The following RELN variants were observed in gnomAD, a reference collection of about 807,000 sequenced individuals.
RELN encodes reelin.
RELN carries 108 observed loss-of-function variants against 427.6 expected under a neutral mutation model. That is an observed-to-expected ratio of 0.25 (90% CI 0.22 to 0.30). The LOEUF (loss-of-function observed/expected upper bound fraction) is 0.30. RELN is among the 10% of genes least tolerant of loss of function. RELN has a pLI of 1.00. For synonymous variants in RELN, 1,524 were observed against 1,513.4 expected (o/e 1.01, Z -0.16); for missense variants, 3,715 against 4,302.8 (o/e 0.86, Z 3.82).
intron 8 of RELN, among the ~76,000 whole-genome samples, chr7:103,713,751 A>G (rs1255307700): frequency 6.6e-6 from 1 of 152,214 alleles, no homozygotes; most frequent in African/African-American, 2.4e-5. Flanking sequence ...CCCAAAATTA[A>G]GAAACACAGT....
At chr7:103,945,721 G>C (rs560921821) in intron 1 of RELN, among the ~76,000 whole-genome samples, 3 of 152,268 alleles carry the variant, frequency 2.0e-5, no homozygotes, top group South Asian at 4.2e-4. Flanking sequence ...AAGACATTTT[G>C]GCCAGTGATG....
At chr7:103,650,492 AGT>A in intron 15 of RELN, 109 bp from the exon 16 acceptor site, 1 of 761,180 alleles carries the variant, frequency 1.3e-6, no homozygotes. Context: ...AAAGCACTAA[AGT>A]TTACCAATAA....
chr7:103,596,754 C>T lies in RELN; in HGVS notation c.3334-93G>A. The T allele has an allele frequency of 2.8e-6, 3 of 1,090,166 alleles. No homozygotes were observed. In the Admixed American group the frequency reaches 5.5e-5, roughly 20 times the overall value. The allele number at this position is 1,090,166 out of a possible 1,614,324, so 67.5% of individuals were successfully genotyped here. ...CCAAATTCACATGGACATCTTAGCA[C>T]TATGTGGAAATGGTCTCGTCCCCAT... On this transcript the variant is annotated intron_variant, in intron 24 of 64. Coordinates refer to ENST00000428762, the MANE Select transcript of RELN (RefSeq NM_005045.4).
intron 34 of RELN, among the ~76,000 whole-genome samples, chr7:103,565,039 G>A (rs921903441): frequency 2.6e-5 from 4 of 152,138 alleles, no homozygotes; most frequent in Non-Finnish European, 5.9e-5. Context: ...AATGGAATCT[G>A]GTGGGCAGCC....
At chr7:103,867,077 A>T (rs10267445) in intron 2 of RELN, among the ~76,000 whole-genome samples, 18,894 of 152,150 alleles carry the variant, frequency 0.12, 1,303 homozygotes, top group East Asian at 0.27. Context: ...AAATTAGATT[A>T]CTTCTATCTC....
At chr7:103,572,895 C>T (rs1211257037) in intron 30 of RELN, among the ~76,000 whole-genome samples, 1 of 152,090 alleles carries the variant, frequency 6.6e-6, no homozygotes, top group Non-Finnish European at 1.5e-5. Flanking sequence ...ATGTGCAGAA[C>T]GTGCAGGTTT....
At chr7:103,973,880 C>T (rs945117161) in intron 1 of RELN, among the ~76,000 whole-genome samples, 8 of 152,192 alleles carry the variant, frequency 5.3e-5, no homozygotes, top group Non-Finnish European at 7.4e-5. Flanking sequence ...TGGTGGCTCA[C>T]GCCTATAATC....
chr7:103,909,770 AAT>A lies in RELN; in HGVS notation c.337+7303_337+7304del, dbSNP rs1218210542. On this transcript the variant is annotated intron_variant, in intron 2 of 64. Transcript: ENST00000428762. ...ATATATATATTAAATATATATATTT[AAT>A]ATATATAAATATATATATTAAATAT... 2.0e-4 allele frequency among the ~76,000 whole-genome samples: 17 copies of A among 83,350 alleles called. 3 individuals are homozygous for A. The highest frequency in any genetic ancestry group is 7.7e-4 in the African/African-American group (10 of 13,030). The allele number at this position is 83,350 out of a possible 152,430, so 54.7% of individuals were successfully genotyped here.
At chr7:103,753,093 G>A (rs1033817931) in intron 5 of RELN, 89 bp downstream of exon 5, 1 of 1,277,140 alleles carries the variant, frequency 7.8e-7, no homozygotes, top group Non-Finnish European at 1.1e-6. Context: ...CAGCTTCCTT[G>A]CCTCTATAAC....
In RELN at chr7:103,835,954, C is replaced by CTTTTTTTTTTTTTTT. The variant is rs10569884; in HGVS notation, c.338-2297_338-2283dup. Among the ~76,000 whole-genome samples the CTTTTTTTTTTTTTTT allele has an allele frequency of 3.4e-4, 49 of 142,392 alleles. 1 individual carries two copies. The highest frequency in any genetic ancestry group is 1.2e-3 in the African/African-American group (48 of 38,482). 93.4% of individuals were successfully genotyped at this position (142,392 alleles called of 152,430 possible). On this transcript the variant is annotated intron_variant, in intron 2 of 64. Coordinates refer to ENST00000428762, the MANE Select transcript of RELN (RefSeq NM_005045.4). ...TCTCTTTACAAAACTCTCAATTACC[C>CTTTTTTTTTTTTTTT]TTTTTTTTTTTTTTTTTTATAGGCG... is the stretch of plus-strand genomic sequence containing the variant.
At position 103,806,743 on chromosome 7, in the gene RELN, A is replaced by T. The variant is rs138674807; in HGVS notation, c.473+26794T>A. Among the ~76,000 whole-genome samples, 206 of 152,302 alleles carry T rather than the reference A, an allele frequency of 1.4e-3. 1 individual carries two copies. The highest frequency in any genetic ancestry group is 4.8e-3 in the African/African-American group (199 of 41,568). On this transcript the variant is annotated intron_variant, in intron 3 of 64. Coordinates refer to ENST00000428762, the MANE Select transcript of RELN (RefSeq NM_005045.4). ...AAAGTGAATTATTATCTTTTTAAAA[A>T]ATCAATTTATCTTCTTCTTGGCCTT... is the stretch of plus-strand genomic sequence containing the variant.
intron 7 of RELN, 64 bp downstream of exon 7, chr7:103,728,045 CTT>C: frequency 6.6e-7 from 1 of 1,519,156 alleles, no homozygotes; most frequent in Non-Finnish European, 9.1e-7. Flanking sequence ...ATAAGAAAAA[CTT>C]TTGTTGGCAA....
Position 103,650,612 on chromosome 7 carries a change from T to C in RELN, c.1893-229A>G, listed in dbSNP as rs17153985. ...CAATGGATTTGTTATTTTATATTACTTAAACATTTTTAAAGCTTTAATTTA... is the reference window on the plus strand; with the variant it reads ...CAATGGATTTGTTATTTTATATTACCTAAACATTTTTAAAGCTTTAATTTA... On this transcript the variant is annotated intron_variant, in intron 15 of 64. Coordinates refer to ENST00000428762, the MANE Select transcript of RELN (RefSeq NM_005045.4). Among the ~76,000 whole-genome samples the C allele has an allele frequency of 1.9e-3, 285 of 152,218 alleles. 7 individuals are homozygous for C. The East Asian group carries it at 0.044, about 23-fold the overall frequency.
At chr7:103,874,388 A>G (rs182654154) in intron 2 of RELN, among the ~76,000 whole-genome samples, 1 of 142,294 alleles carries the variant, frequency 7.0e-6, no homozygotes. Context: ...AATAAACGGT[A>G]TTCAATTAGG....
chr7:103,787,923 C>CA lies in RELN; in HGVS notation c.474-11297dup, dbSNP rs200023587. Reference sequence around the variant, plus strand: ...CCAATATCCCTGATGAACATCGATGCAAAAATCCTCAATAAAATACTGGCA... The same window carrying CA: ...CCAATATCCCTGATGAACATCGATGCAAAAAATCCTCAATAAAATACTGGCA... On this transcript the variant is annotated intron_variant, in intron 3 of 64. Coordinates refer to ENST00000428762, the MANE Select transcript of RELN (RefSeq NM_005045.4). Among the ~76,000 whole-genome samples, 1,422 of 152,172 alleles carry CA rather than the reference C, an allele frequency of 9.3e-3. 19 individuals carry two copies. The highest frequency in any genetic ancestry group is 0.032 in the African/African-American group (1,334 of 41,516).
intron 1 of RELN, among the ~76,000 whole-genome samples, chr7:103,946,000 A>T (rs1796212557): frequency 6.6e-6 from 1 of 152,142 alleles, no homozygotes; most frequent in African/African-American, 2.4e-5. Flanking sequence ...CTAATGACAC[A>T]TTTCTCAGAA....
chr7:103,548,312 T>G (rs1393241916), intron 41 of RELN, among the ~76,000 whole-genome samples: 2 of 151,812 alleles, frequency 1.3e-5, no homozygotes, highest in Non-Finnish European at 2.9e-5. Context: ...AAGAAAAGAG[T>G]AATTTAAACA....
At chr7:103,745,177 T>C (rs1159746016) in intron 6 of RELN, among the ~76,000 whole-genome samples, 1 of 152,062 alleles carries the variant, frequency 6.6e-6, no homozygotes, top group African/African-American at 2.4e-5. Context: ...CATGATTATC[T>C]CAATAGATGC....
intron 4 of RELN, among the ~76,000 whole-genome samples, chr7:103,773,398 C>T (rs1160204594): frequency 1.6e-5 from 1 of 63,222 alleles, no homozygotes; most frequent in Non-Finnish European, 3.1e-5. Context: ...TCGCTCCCTC[C>T]CTGTCTCTCT....
Sources: allele counts gnomAD v4.1 joint callset (sites outside exome capture counted in the v4.1 genomes callset), GRCh38; gene constraint gnomAD v4.1.1; transcripts MANE v1.5; gene names NCBI Gene and HGNC (gene_info 2026-07-23, HGNC 2026-07-21).